Variants in PLXNA4 observed in about 807,000 individuals in gnomAD.
PLXNA4 encodes plexin A4.
A neutral mutation model predicts 191.8 loss-of-function variants in PLXNA4; 44 were observed. That is an observed-to-expected ratio of 0.23 (90% confidence interval 0.18 to 0.29). The LOEUF (loss-of-function observed/expected upper bound fraction) is 0.29. Ranked by LOEUF, PLXNA4 falls within the 10% of genes least tolerant of loss-of-function variation. PLXNA4 has a pLI of 1.00. For missense variants in PLXNA4, 1,800 were observed against 2,488.8 expected (o/e 0.72, Z 5.89); for synonymous variants, 1,082 against 1,009.5 (o/e 1.07, Z -1.36).
intron 2 of PLXNA4, among the ~76,000 whole-genome samples, chr7:132,493,912 G>C (rs1436562303): frequency 1.3e-5 from 2 of 152,214 alleles, no homozygotes; most frequent in African/African-American, 4.8e-5. Context: ...GTGTGACCTT[G>C]AGAAAGTCAC....
At chr7:132,399,394 G>A (rs527914978) in intron 3 of PLXNA4, among the ~76,000 whole-genome samples, 31 of 152,170 alleles carry the variant, frequency 2.0e-4, no homozygotes, top group Non-Finnish European at 4.1e-4. Context: ...ACTGTTCCAC[G>A]CTCTTTATAT....
At chr7:132,402,617 C>T (rs758029428) in intron 3 of PLXNA4, among the ~76,000 whole-genome samples, 4 of 152,212 alleles carry the variant, frequency 2.6e-5, no homozygotes, top group Non-Finnish European at 5.9e-5. Flanking sequence ...GCTCCCCTCT[C>T]AAAGCCTGCT....
At chr7:132,158,923 A>G (rs1458969780) in intron 25 of PLXNA4, among the ~76,000 whole-genome samples, 1 of 152,238 alleles carries the variant, frequency 6.6e-6, no homozygotes, top group Non-Finnish European at 1.5e-5. Context: ...TGTAACAGCT[A>G]AAATGTCAGA....
intron 29 of PLXNA4, among the ~76,000 whole-genome samples, chr7:132,143,768 A>C (rs1030292795): frequency 6.6e-6 from 1 of 152,202 alleles, no homozygotes; most frequent in Non-Finnish European, 1.5e-5. Context: ...CGCATCACAA[A>C]GTTTTGCTAC....
intron 1 of PLXNA4, among the ~76,000 whole-genome samples, chr7:132,514,144 TG>T (rs1798846984): frequency 6.6e-6 from 1 of 150,508 alleles, no homozygotes; most frequent in African/African-American, 2.4e-5. Context: ...CTCTGCCTCC[TG>T]GGTTCATGCC....
chr7:132,348,872 C>T (rs942187616), intron 3 of PLXNA4, among the ~76,000 whole-genome samples: 3 of 152,180 alleles, frequency 2.0e-5, no homozygotes, highest in Admixed American at 6.5e-5. Context: ...TGTTACTATG[C>T]TATGGGAGAA....
In PLXNA4 at chr7:132,145,259, G is replaced by T; in HGVS notation, c.5085C>A (p.Leu1695=). The T allele has an allele frequency of 6.2e-7, 1 of 1,614,206 alleles. No homozygotes were observed. The highest frequency in any genetic ancestry group is 8.5e-7 in the Non-Finnish European group (1 of 1,180,032). The change falls in exon 29 of 32, where the codon CTC becomes CTA. Residue 1695 remains leucine, a synonymous_variant. Coordinates refer to ENST00000321063, the MANE Select transcript of PLXNA4 (RefSeq NM_020911.2). ...KGTLQKFVDD[L]FETIFSTAHR... The stretch of plus-strand genomic sequence containing the variant: ...GTGCCGTGCTGAAGATGGTCTCAAA[G>T]AGGTCATCCACAAACTTCTGCAGTG...
chr7:132,283,917 G>A (rs1334141015), intron 4 of PLXNA4, among the ~76,000 whole-genome samples: 1 of 152,246 alleles, frequency 6.6e-6, no homozygotes, highest in Non-Finnish European at 1.5e-5. Context: ...GCTCATGCCT[G>A]TAATCCCAGT....
intron 3 of PLXNA4, among the ~76,000 whole-genome samples, chr7:132,467,337 T>C (rs1454176382): frequency 6.6e-6 from 1 of 152,128 alleles, no homozygotes; most frequent in Non-Finnish European, 1.5e-5. Context: ...AGGTGACCCA[T>C]TAGGCAAGAG....
chr7:132,352,556 G>A (rs1803535101), intron 3 of PLXNA4, among the ~76,000 whole-genome samples: 1 of 152,110 alleles, frequency 6.6e-6, no homozygotes, highest in Non-Finnish European at 1.5e-5. Context: ...TCCCCTGCCT[G>A]GTCAATCCTT....
chr7:132,313,433 T>C (rs914497332), intron 3 of PLXNA4, among the ~76,000 whole-genome samples: 11 of 152,120 alleles, frequency 7.2e-5, no homozygotes. Flanking sequence ...ATGATTCTTA[T>C]CTTGGTCTAG....
At chr7:132,255,931 T>C (rs1799416608) in intron 4 of PLXNA4, among the ~76,000 whole-genome samples, 1 of 152,246 alleles carries the variant, frequency 6.6e-6, no homozygotes, top group South Asian at 2.1e-4. Context: ...AACTATCTGA[T>C]GAAATGAGGT....
chr7:132,235,490 C>T (rs927223771), intron 5 of PLXNA4, among the ~76,000 whole-genome samples: 1 of 152,168 alleles, frequency 6.6e-6, no homozygotes, highest in African/African-American at 2.4e-5. Flanking sequence ...TGAAAAGTAA[C>T]CCCTGCCAAC....
At chr7:132,218,770 A>G (rs192980850) in intron 9 of PLXNA4, among the ~76,000 whole-genome samples, 1 of 152,318 alleles carries the variant, frequency 6.6e-6, no homozygotes, top group African/African-American at 2.4e-5. Context: ...CAGGGCTGTT[A>G]TCATAATGCC....
chr7:132,365,326 C>T (rs939358793), intron 3 of PLXNA4, among the ~76,000 whole-genome samples: 6 of 114,186 alleles, frequency 5.3e-5, no homozygotes, highest in East Asian at 2.2e-4. Flanking sequence ...TCCTACGGCC[C>T]GCGTGTGTGT....
chr7:132,240,001 C>T (rs148185839), intron 5 of PLXNA4, among the ~76,000 whole-genome samples: 16 of 152,222 alleles, frequency 1.1e-4, no homozygotes, highest in East Asian at 9.6e-4. Context: ...AGGGTGTTTC[C>T]GAATTTTAAG....
rs147409288 is a variant in PLXNA4, at chr7:132,297,886, T to A, written c.1503+205A>T. Among the ~76,000 whole-genome samples the A allele has an allele frequency of 3.7e-3, 557 of 152,350 alleles. 5 individuals are homozygous for A. Among genetic ancestry groups the A allele is most frequent in the African/African-American group, 0.013 (530 of 41,586 alleles). ...ATTTGTTTTAGACTCTCCAATATTT[T>A]GATATTTTAAATGTTTCTTTCCTGT... On this transcript the variant is annotated intron_variant, in intron 4 of 31. Coordinates refer to ENST00000321063, the MANE Select transcript of PLXNA4 (RefSeq NM_020911.2).
intron 3 of PLXNA4, among the ~76,000 whole-genome samples, chr7:132,419,232 C>T (rs1794766646): frequency 6.6e-6 from 1 of 152,180 alleles, no homozygotes; most frequent in South Asian, 2.1e-4. Flanking sequence ...GCATCGTGTC[C>T]TGGGCAGAGG....
chr7:132,601,788 A>G (rs945181878), intron 2 of PLXNA4, among the ~76,000 whole-genome samples: 1 of 152,194 alleles, frequency 6.6e-6, no homozygotes, highest in African/African-American at 2.4e-5. Flanking sequence ...ATATTAAATG[A>G]TTAGAATAGA....
Sources: gnomAD v4.1 joint callset for allele counts (sites outside exome capture counted in the v4.1 genomes callset) on GRCh38, gnomAD v4.1.1 for gene constraint, MANE v1.5 for transcripts, NCBI Gene and HGNC (gene_info 2026-07-23, HGNC 2026-07-21) for gene names.